Variants in EFCAB5 observed in about 807,000 individuals in gnomAD.
EFCAB5 encodes EF-hand calcium binding domain 5.
EFCAB5 carries 131 observed loss-of-function variants against 167.9 expected under a neutral mutation model. The ratio of observed to expected loss-of-function variants is 0.78; its 90% CI spans 0.68 to 0.90. The LOEUF (loss-of-function observed/expected upper bound fraction) is 0.90, where lower values mean the gene tolerates loss of function less well. Among genes scored for constraint, EFCAB5 ranks in the 40% least tolerant of loss-of-function variants. The probability of loss-of-function intolerance (pLI) is 0.00; values close to 1 mark genes in which losing one functional copy is unlikely to be tolerated. For missense variants in EFCAB5, 1,663 were observed against 1,745.2 expected, an observed-to-expected ratio of 0.95 and a Z score of 0.84; for synonymous variants, 574 against 602.8, an observed-to-expected ratio of 0.95 and a Z score of 0.70.
At chr17:30,075,614 T>G (rs1237111077) in intron 14 of EFCAB5, among the ~76,000 whole-genome samples, 1 of 152,198 alleles carries the variant, frequency 6.6e-6, no homozygotes, top group African/African-American at 2.4e-5. Flanking sequence ...ACGGATACCC[T>G]GTTTGTACTG....
chr17:30,094,438 A>G (rs527937926), intron 22 of EFCAB5, among the ~76,000 whole-genome samples: 2 of 149,448 alleles, frequency 1.3e-5, no homozygotes, highest in East Asian at 3.9e-4. Context: ...TGGGAGGCCA[A>G]CGTGGGCAGA....
chr17:30,084,106 C>G (rs1227015176), intron 18 of EFCAB5, among the ~76,000 whole-genome samples: 1 of 152,182 alleles, frequency 6.6e-6, no homozygotes, highest in East Asian at 1.9e-4. Context: ...CTGGCCCACA[C>G]AGGCATGTCC....
chr17:30,069,417 C>T (rs2070668813), intron 14 of EFCAB5: 2 of 1,537,194 alleles, frequency 1.3e-6, no homozygotes, highest in East Asian at 2.2e-5. Flanking sequence ...GTTGAGATTT[C>T]CAGACTTCAA....
intron 22 of EFCAB5, among the ~76,000 whole-genome samples, chr17:30,105,290 C>G (rs889186152): frequency 1.3e-5 from 2 of 151,978 alleles, no homozygotes; most frequent in Non-Finnish European, 2.9e-5. Context: ...AGTTCGAGAC[C>G]AGCCTGGCCA....
intron 14 of EFCAB5, among the ~76,000 whole-genome samples, chr17:30,061,501 G>A (rs142075485): frequency 2.0e-4 from 30 of 152,312 alleles, no homozygotes; most frequent in African/African-American, 7.2e-4. Flanking sequence ...TTTTAGAAAG[G>A]TTTCTGCTGG....
chr17:29,946,514 G>A (rs1203511954), intron 3 of EFCAB5, among the ~76,000 whole-genome samples: 1 of 141,450 alleles, frequency 7.1e-6, no homozygotes, highest in African/African-American at 2.8e-5. Flanking sequence ...TTGGCTGACT[G>A]CAAGCTCCGC....
chr17:29,961,929 C>T (rs1217903508), intron 3 of EFCAB5, among the ~76,000 whole-genome samples: 2 of 152,160 alleles, frequency 1.3e-5, no homozygotes, highest in Admixed American at 1.3e-4. Flanking sequence ...AGTCTCAGTA[C>T]CACTTCTTGA....
chr17:30,020,062 CATA>C (rs2061363681), intron 7 of EFCAB5, among the ~76,000 whole-genome samples: 1 of 152,130 alleles, frequency 6.6e-6, no homozygotes, highest in Admixed American at 6.6e-5. Flanking sequence ...TTTCACTTAG[CATA>C]ATGTCTTCCA....
intron 4 of EFCAB5, among the ~76,000 whole-genome samples, chr17:29,972,269 T>G (rs936470869): frequency 6.6e-6 from 1 of 150,460 alleles, no homozygotes; most frequent in African/African-American, 2.4e-5. Context: ...CAGGGTGGTC[T>G]CGATCTCCTG....
intron 3 of EFCAB5, among the ~76,000 whole-genome samples, chr17:29,967,159 GT>G (rs148946782): frequency 6.6e-6 from 1 of 152,208 alleles, no homozygotes; most frequent in African/African-American, 2.4e-5. Context: ...TAGTTATTCT[GT>G]TTGTTGAATT....
Position 30,017,243 on chromosome 17 carries a change from A to T in EFCAB5, c.1045-16987A>T, listed in dbSNP as rs533408802. 2.6e-5 allele frequency among the ~76,000 whole-genome samples: 4 copies of T among 152,228 alleles called. No homozygotes were observed. In the South Asian group the frequency reaches 8.3e-4, roughly 32 times the overall value. On this transcript the variant is annotated intron_variant, in intron 7 of 22. Coordinates refer to ENST00000394835, the MANE Select transcript of EFCAB5 (RefSeq NM_198529.4). ...AAAACCACACAAAAAATAGAATAAC[A>T]ATATGCATATTACCGTCACCCAGAA...
At chr17:29,998,584 A>G (rs1048057863) in intron 6 of EFCAB5, among the ~76,000 whole-genome samples, 6 of 152,216 alleles carry the variant, frequency 3.9e-5, no homozygotes, top group Non-Finnish European at 8.8e-5. Flanking sequence ...TCTGGTTTGC[A>G]TAATCATCTG....
chr17:30,057,628 T>A, intron 12 of EFCAB5, 48 bp from the exon 13 acceptor site: 1 of 1,533,206 alleles, frequency 6.5e-7, no homozygotes, highest in Non-Finnish European at 8.9e-7. Flanking sequence ...TTTCCCTAAC[T>A]GAAAAAATTG....
At chr17:30,015,298 G>A (rs1486325922) in intron 7 of EFCAB5, among the ~76,000 whole-genome samples, 1 of 152,144 alleles carries the variant, frequency 6.6e-6, no homozygotes, top group Non-Finnish European at 1.5e-5. Flanking sequence ...TTCTCGAGGA[G>A]TATCTTTGTG....
intron 7 of EFCAB5, among the ~76,000 whole-genome samples, chr17:30,028,884 C>A (rs1192202178): frequency 6.6e-6 from 1 of 152,104 alleles, no homozygotes; most frequent in Non-Finnish European, 1.5e-5. Flanking sequence ...TCTTTAAGAA[C>A]ACTAGTCAGA....
At chr17:30,049,600 A>G (rs905908795) in intron 8 of EFCAB5, among the ~76,000 whole-genome samples, 6 of 152,246 alleles carry the variant, frequency 3.9e-5, no homozygotes, top group Admixed American at 1.3e-4. Flanking sequence ...AAACCCATAC[A>G]TATAATAAGC....
intron 17 of EFCAB5, 82 bp from the exon 18 acceptor site, chr17:30,082,809 G>A (rs144773328): frequency 0.025 from 33,839 of 1,343,030 alleles, 487 homozygotes; most frequent in Non-Finnish European, 0.029. Context: ...TAAATTACTG[G>A]TAAAGGTAAT....
chr17:30,105,340 A>T (rs945398558), intron 22 of EFCAB5, among the ~76,000 whole-genome samples: 2 of 152,090 alleles, frequency 1.3e-5, no homozygotes, highest in Non-Finnish European at 2.9e-5. Context: ...TATAAAAATT[A>T]GCCAGGCCTG....
chr17:30,070,885 G>A (rs1316653241), intron 14 of EFCAB5, among the ~76,000 whole-genome samples: 1 of 141,904 alleles, frequency 7.0e-6, no homozygotes, highest in Non-Finnish European at 1.5e-5. Context: ...AGGAGGCAGA[G>A]GTTGCAATGA....
Sources: allele counts gnomAD v4.1 joint callset (sites outside exome capture counted in the v4.1 genomes callset), GRCh38; gene constraint gnomAD v4.1.1; transcripts MANE v1.5; gene names NCBI Gene and HGNC (gene_info 2026-07-23, HGNC 2026-07-21).